GCA: variants seen among roughly 807,000 people sequenced by gnomAD.
GCA encodes the protein grancalcin, EF-hand calcium-binding protein.
GCA carries 30 observed loss-of-function variants against 32.6 expected under a neutral mutation model. The ratio of observed to expected loss-of-function variants is 0.92; its 90% CI spans 0.69 to 1.25. The LOEUF is 1.25. Among genes scored for constraint, GCA ranks in the 50% most tolerant of loss-of-function variants. The pLI is 0.00. For synonymous variants in GCA, 102 were observed against 84.6 expected (o/e 1.21, Z -1.13); for missense variants, 291 against 266.8 (o/e 1.09, Z -0.63).
chr2:162,329,049 G>A (rs1489883105), intron 1 of GCA, among the ~76,000 whole-genome samples: 1 of 152,028 alleles, frequency 6.6e-6, no homozygotes, highest in Non-Finnish European at 1.5e-5. Flanking sequence ...TTCTTCTGCT[G>A]ATGTTCTCCT....
At position 162,356,914 on chromosome 2, in the gene GCA, A is replaced by C. The variant is rs771500895; in HGVS notation, c.454+9A>C. 9 of 1,573,360 alleles carry C rather than the reference A, an allele frequency of 5.7e-6. No individual in the cohort carries two copies. In the African/African-American group the frequency reaches 1.2e-4, roughly 21 times the overall value. ...AGCCATTGGTCTTATGGGTAAGAAC[A>C]TTAACATTCTTTAGAATCTATAAAG... On this transcript the variant is annotated intron_variant, in intron 5 of 7. Transcript: ENST00000437150.
downstream of GCA, chr2:162,371,736 G>A: frequency 1.7e-6 from 2 of 1,192,966 alleles, no homozygotes; most frequent in African/African-American, 1.5e-5. Context: ...TACCTTGTGA[G>A]CCCCTGAGTC....
At chr2:162,340,835 T>C (rs1000466625), upstream of GCA, among the ~76,000 whole-genome samples, 2 of 152,200 alleles carry the variant, frequency 1.3e-5, no homozygotes, top group Admixed American at 6.5e-5. Flanking sequence ...TTCCTACAGA[T>C]ACCTCCAGAA....
upstream of GCA, among the ~76,000 whole-genome samples, chr2:162,340,162 A>G (rs190931979): frequency 3.2e-4 from 48 of 152,294 alleles, no homozygotes; most frequent in African/African-American, 1.1e-3. Flanking sequence ...CAGTGTATCA[A>G]TTGGAGAAAG....
At position 162,360,663 on chromosome 2, in the gene GCA, G is replaced by T; in HGVS notation, c.*420G>T. On this transcript the variant is annotated 3_prime_UTR_variant, in exon 8 of 8. Transcript: ENST00000437150. ...CTTTTAAATTTTCTTTGTAGTTGGTGGTGTTTGAGGGTTGGCTAGAAATGA... is the reference window on the plus strand; with the variant it reads ...CTTTTAAATTTTCTTTGTAGTTGGTTGTGTTTGAGGGTTGGCTAGAAATGA... 1 of 1,293,362 alleles carries T rather than the reference G, an allele frequency of 7.7e-7. No homozygotes were observed. Among genetic ancestry groups the T allele is most frequent in the Non-Finnish European group, 9.8e-7 (1 of 1,019,260 alleles). 80.1% of individuals were successfully genotyped at this position (1,293,362 alleles called of 1,614,324 possible). A position where few individuals can be genotyped will look rare whatever the true frequency, so the allele number is the denominator to read the frequency against.
At chr2:162,373,791 G>A, downstream of GCA, 1 of 493,168 alleles carries the variant, frequency 2.0e-6, no homozygotes, top group Non-Finnish European at 3.4e-6. Flanking sequence ...GACAGGAGAG[G>A]GAGCACAGAG....
Position 162,356,890 on chromosome 2 carries a change from G to A in GCA, c.439G>A (p.Ala147Thr), listed in dbSNP as rs935167342. Reference sequence around the variant, plus strand: ...AGTAGAACATCATGAGTTGCGTCAAGCCATTGGTCTTATGGGTAAGAACAT... The same window carrying A: ...AGTAGAACATCATGAGTTGCGTCAAACCATTGGTCTTATGGGTAAGAACAT... Reference protein sequence around the residue: ...GTVEHHELRQAIGLMGYRLSP... With the variant: ...GTVEHHELRQTIGLMGYRLSP... The change falls in exon 5 of 8, where the codon GCC (alanine) becomes ACC (threonine). Residue 147 changes from alanine (A) to threonine (T), a missense_variant. Ala to Thr is a moderately conservative substitution (Grantham distance 58). Coordinates refer to ENST00000437150, the MANE Select transcript of GCA (RefSeq NM_012198.5). 6.2e-7 allele frequency: 1 copy of A among 1,607,108 alleles called. No individual in the cohort carries two copies. Among genetic ancestry groups the A allele is most frequent in the Admixed American group, 1.7e-5 (1 of 59,830 alleles).
At chr2:162,357,709 T>C (rs1166631743) in intron 5 of GCA, among the ~76,000 whole-genome samples, 25 of 151,790 alleles carry the variant, frequency 1.6e-4, no homozygotes. Flanking sequence ...TATAAACATA[T>C]GTAGTTCAAT....
downstream of GCA, among the ~76,000 whole-genome samples, chr2:162,366,572 T>C (rs1255238228): frequency 6.6e-6 from 1 of 151,918 alleles, no homozygotes; most frequent in Non-Finnish European, 1.5e-5. Context: ...GAGGAATTAT[T>C]CTACTGTTGG....
rs1685632358 is a variant in GCA, at chr2:162,362,818, G to T, written c.*2575G>T. On this transcript the variant is annotated 3_prime_UTR_variant, in exon 8 of 8. Transcript: ENST00000437150. ...AAATTACATCAAGGGTAAATCAATA[G>T]TATGGAAATCTTAATTTGGTCCACT... 6.6e-6 allele frequency among the ~76,000 whole-genome samples: 1 copy of T among 151,316 alleles called. No individual in the cohort carries two copies. Among genetic ancestry groups the T allele is most frequent in the Non-Finnish European group, 1.5e-5 (1 of 67,490 alleles).
At chr2:162,344,986 G>T (rs887248436) in intron 1 of GCA, among the ~76,000 whole-genome samples, 1 of 151,868 alleles carries the variant, frequency 6.6e-6, no homozygotes, top group Non-Finnish European at 1.5e-5. Context: ...TTTTCTATTT[G>T]TTTTTTACCT....
downstream of GCA, among the ~76,000 whole-genome samples, chr2:162,375,008 CTGTTATG>C (rs1686110708): frequency 6.6e-6 from 1 of 152,270 alleles, no homozygotes; most frequent in Middle Eastern, 3.4e-3. Context: ...CATTATTTCA[CTGTTATG>C]TGTTATACAT....
At chr2:162,358,977 G>A (rs1685421074) in intron 5 of GCA, 67 bp from the exon 6 acceptor site, 1 of 708,356 alleles carries the variant, frequency 1.4e-6, no homozygotes, top group African/African-American at 1.8e-5. Flanking sequence ...ATGACTTAAT[G>A]AGAAAGCAAT....
chr2:162,364,645 T>TA (rs1261644785), downstream of GCA, among the ~76,000 whole-genome samples: 3 of 151,542 alleles, frequency 2.0e-5, no homozygotes, highest in Non-Finnish European at 4.4e-5. Flanking sequence ...GTCCTTAGCT[T>TA]ACATGCCACA....
upstream of GCA, among the ~76,000 whole-genome samples, chr2:162,339,789 C>A (rs1684381160): frequency 6.6e-6 from 1 of 152,178 alleles, no homozygotes; most frequent in Non-Finnish European, 1.5e-5. Context: ...ACCTTGTGGG[C>A]AGCTTGATCT....
intron 7 of GCA, 68 bp downstream of exon 7, chr2:162,359,620 T>G (rs1254399488): frequency 1.4e-6 from 1 of 717,048 alleles, no homozygotes; most frequent in Non-Finnish European, 2.4e-6. Context: ...AAAATTTAAG[T>G]GATCCCAAGT....
At chr2:162,335,024 A>C (rs1684222786) in intron 1 of GCA, among the ~76,000 whole-genome samples, 1 of 152,032 alleles carries the variant, frequency 6.6e-6, no homozygotes, top group African/African-American at 2.4e-5. Flanking sequence ...TCATCCTCAA[A>C]CTATCTTTGG....
downstream of GCA, among the ~76,000 whole-genome samples, chr2:162,364,362 A>T (rs1685686349): frequency 6.6e-6 from 1 of 151,478 alleles, no homozygotes; most frequent in African/African-American, 2.4e-5. Context: ...ATTTTTCTGA[A>T]CTTTTGGATG....
In GCA at chr2:162,360,341, T is replaced by C; in HGVS notation, c.*98T>C. On this transcript the variant is annotated 3_prime_UTR_variant, in exon 8 of 8. Transcript: ENST00000437150. ...AAACTTTTAAGGGTTTTCTATGTTC[T>C]TCCTACCTGTTAAACCTCTTCCCTT... is the stretch of plus-strand genomic sequence containing the variant. The C allele has an allele frequency of 3.3e-6, 5 of 1,500,454 alleles. No individual in the cohort carries two copies. The highest frequency in any genetic ancestry group is 4.4e-6 in the Non-Finnish European group (5 of 1,127,294). 92.9% of individuals were successfully genotyped at this position (1,500,454 alleles called of 1,614,324 possible).
Sources: gnomAD v4.1 joint callset for allele counts (sites outside exome capture counted in the v4.1 genomes callset) on GRCh38, gnomAD v4.1.1 for gene constraint, MANE v1.5 for transcripts, NCBI Gene and HGNC (gene_info 2026-07-23, HGNC 2026-07-21) for gene names.